SGCD: variants seen among roughly 807,000 people sequenced by gnomAD.
SGCD encodes the protein delta-sarcoglycan.
A neutral mutation model predicts 36.6 loss-of-function variants in SGCD; 18 were observed. That is an observed-to-expected ratio of 0.49 (90% CI 0.34 to 0.73). The LOEUF is 0.73. Ranked by LOEUF, SGCD falls within the 30% of genes least tolerant of loss-of-function variation. The pLI is 0.01. For missense variants in SGCD, 387 were observed against 346.7 expected (o/e 1.12, Z -0.92); for synonymous variants, 133 against 130.6 (o/e 1.02, Z -0.12).
chr5:156,377,568 T>C (rs145095269), intron 3 of SGCD, among the ~76,000 whole-genome samples: 1 of 152,292 alleles, frequency 6.6e-6, no homozygotes, highest in Non-Finnish European at 1.5e-5. Flanking sequence ...GAGAGCCTAG[T>C]GCACGACAGG....
At chr5:156,538,359 G>A (rs538999534) in intron 4 of SGCD, among the ~76,000 whole-genome samples, 10 of 152,164 alleles carry the variant, frequency 6.6e-5, no homozygotes, top group African/African-American at 1.9e-4. Context: ...TGTTGACTCT[G>A]CTATCCTTAA....
At chr5:156,476,540 C>A (rs534835009) in intron 3 of SGCD, among the ~76,000 whole-genome samples, 1 of 152,006 alleles carries the variant, frequency 6.6e-6, no homozygotes, top group Non-Finnish European at 1.5e-5. Flanking sequence ...ACTTTTAAAG[C>A]GAAGCATTTG....
the SGCD span, among the ~76,000 whole-genome samples, chr5:155,764,430 G>C: frequency 2.0e-5 from 3 of 152,174 alleles, no homozygotes; most frequent in Non-Finnish European, 4.4e-5. Context: ...GGCCAGAACT[G>C]TTTTGAGCTG....
intron 1 of SGCD, among the ~76,000 whole-genome samples, chr5:156,103,557 C>T (rs1761573835): frequency 6.6e-6 from 1 of 151,966 alleles, no homozygotes; most frequent in Non-Finnish European, 1.5e-5. Context: ...CCTGTGTCTT[C>T]CCACAGACCA....
rs200600544 is a variant in SGCD at position 156,406,790 on chromosome 5, T to TTATATATATA, written c.192+62134_192+62143dup. 8.2e-3 allele frequency among the ~76,000 whole-genome samples: 616 copies of TTATATATATA among 75,106 alleles called. 4 individuals carry two copies. The highest frequency in any genetic ancestry group is 0.014 in the African/African-American group (275 of 19,268). The allele number at this position is 75,106 out of a possible 152,430, so 49.3% of individuals were successfully genotyped here. On this transcript the variant is annotated intron_variant, in intron 3 of 8. Coordinates refer to ENST00000337851, the MANE Select transcript of SGCD (RefSeq NM_000337.6). ...AGAGGGACAGAACTAATAGGAGATTTTATATATATATATATATATATATAT... is the reference window on the plus strand; with the variant it reads ...AGAGGGACAGAACTAATAGGAGATTTTATATATATATATATATATATATATATATATATAT...
intron 3 of SGCD, among the ~76,000 whole-genome samples, chr5:156,170,629 G>A (rs778147477): frequency 2.0e-5 from 3 of 152,260 alleles, no homozygotes; most frequent in South Asian, 2.1e-4. Context: ...AAAGGGTGCC[G>A]GGAAGCCTAT....
At chr5:156,021,941 T>C (rs1161095278) in intron 1 of SGCD, among the ~76,000 whole-genome samples, 1 of 152,182 alleles carries the variant, frequency 6.6e-6, no homozygotes, top group Admixed American at 6.5e-5. Context: ...CGGTTTTTAG[T>C]ATATTCAGAG....
intron 1 of SGCD, among the ~76,000 whole-genome samples, chr5:156,075,438 C>T (rs1760748774): frequency 1.3e-5 from 2 of 152,184 alleles, no homozygotes; most frequent in African/African-American, 4.8e-5. Context: ...CAGAGGTAGT[C>T]TATAAGAGAC....
At chr5:155,972,116 G>A (rs1758017116) in intron 1 of SGCD, among the ~76,000 whole-genome samples, 1 of 152,086 alleles carries the variant, frequency 6.6e-6, no homozygotes, top group Non-Finnish European at 1.5e-5. Context: ...GCCTTTTAAA[G>A]AGAACAGATT....
At chr5:156,024,066 C>G (rs917474260) in intron 1 of SGCD, among the ~76,000 whole-genome samples, 5 of 152,170 alleles carry the variant, frequency 3.3e-5, no homozygotes, top group Admixed American at 6.5e-5. Context: ...TTAGTCAGCT[C>G]TGGCCAAGGC....
chr5:155,861,036 G>GCA, the SGCD span, among the ~76,000 whole-genome samples: 1 of 152,208 alleles, frequency 6.6e-6, no homozygotes, highest in African/African-American at 2.4e-5. Flanking sequence ...TAGCGTGCGT[G>GCA]CACACACACA....
At position 155,890,894 on chromosome 5, in the gene SGCD, G is replaced by T. The variant is rs187314987; in HGVS notation, c.-282+20470G>T. On this transcript the variant is annotated intron_variant, in intron 1 of 9. Transcript: ENST00000517913. ...GGAGAATAAGAGTTCAGTCGGCCTAGCTTAGGTCATATGCCCATACTGCTC... is the reference window on the plus strand; with the variant it reads ...GGAGAATAAGAGTTCAGTCGGCCTATCTTAGGTCATATGCCCATACTGCTC... 1.9e-3 allele frequency among the ~76,000 whole-genome samples: 282 copies of T among 152,214 alleles called. 1 individual carries two copies. Among genetic ancestry groups the T allele is most frequent in the Non-Finnish European group, 3.0e-3 (202 of 68,014 alleles).
intron 3 of SGCD, among the ~76,000 whole-genome samples, chr5:156,399,762 G>A (rs116766700): frequency 0.013 from 1,908 of 152,178 alleles, 43 homozygotes; most frequent in African/African-American, 0.044. Context: ...TTCTCTACAC[G>A]TTCATTGTTT....
At chr5:156,443,460 G>T (rs72799001) in intron 3 of SGCD, among the ~76,000 whole-genome samples, 2,570 of 152,262 alleles carry the variant, frequency 0.017, 42 homozygotes, top group Non-Finnish European at 0.025. Flanking sequence ...AATCCTCAGA[G>T]TGTGTCTCTC....
At chr5:156,244,938 A>G (rs967600946) in intron 3 of SGCD, among the ~76,000 whole-genome samples, 4 of 152,196 alleles carry the variant, frequency 2.6e-5, no homozygotes, top group African/African-American at 7.2e-5. Flanking sequence ...AATAAAGTCC[A>G]GACATCATAT....
At chr5:156,270,640 C>A (rs868734852) in intron 3 of SGCD, among the ~76,000 whole-genome samples, 20 of 152,038 alleles carry the variant, frequency 1.3e-4, no homozygotes, top group African/African-American at 4.6e-4. Context: ...GATATGTTTT[C>A]TATAGATAAG....
chr5:156,677,701 G>A (rs1026012967), intron 7 of SGCD, among the ~76,000 whole-genome samples: 1 of 151,884 alleles, frequency 6.6e-6, no homozygotes, highest in African/African-American at 2.4e-5. Context: ...AAAAAAAAAA[G>A]AGTCTGGTGG....
chr5:156,018,188 A>G (rs1438598467), intron 1 of SGCD, among the ~76,000 whole-genome samples: 1 of 152,226 alleles, frequency 6.6e-6, no homozygotes, highest in Admixed American at 6.5e-5. Context: ...TGACTAGATA[A>G]ATAGATAAAT....
At chr5:156,622,701 A>AGGG (rs1168578944) in intron 6 of SGCD, among the ~76,000 whole-genome samples, 3 of 152,080 alleles carry the variant, frequency 2.0e-5, no homozygotes, top group Non-Finnish European at 4.4e-5. Context: ...GACTGGACAA[A>AGGG]GGGGGGTGTG....
Sources: allele counts gnomAD v4.1 joint callset (sites outside exome capture counted in the v4.1 genomes callset), GRCh38; gene constraint gnomAD v4.1.1; transcripts MANE v1.5; gene names NCBI Gene and HGNC (gene_info 2026-07-23, HGNC 2026-07-21).